The following GALNTL6 variants were observed in gnomAD, a reference collection of about 807,000 sequenced individuals.
GALNTL6 encodes polypeptide N-acetylgalactosaminyltransferase like 6, also known as polypeptide N-acetylgalactosaminyltransferase-like 6.
GALNTL6 carries 46 observed loss-of-function variants against 73.7 expected under a neutral mutation model. That is an observed-to-expected ratio of 0.62 (90% CI 0.49 to 0.80). GALNTL6 has a LOEUF of 0.80. GALNTL6 is among the 30% of genes least tolerant of loss of function. The pLI is 0.00. For synonymous variants in GALNTL6, 259 were observed against 263.7 expected (o/e 0.98, Z 0.17); for missense variants, 604 against 755.0 (o/e 0.80, Z 2.34).
At chr4:172,890,994 A>C (rs2111212596) in intron 8 of GALNTL6, among the ~76,000 whole-genome samples, 1 of 152,232 alleles carries the variant, frequency 6.6e-6, no homozygotes, top group Non-Finnish European at 1.5e-5. Flanking sequence ...TTTTATCTGA[A>C]GAATAGTGAC....
At chr4:172,820,800 T>A (rs1437926877) in intron 7 of GALNTL6, among the ~76,000 whole-genome samples, 1 of 152,178 alleles carries the variant, frequency 6.6e-6, no homozygotes, top group African/African-American at 2.4e-5. Context: ...AAAATCAAAT[T>A]GATGCATAAA....
At chr4:172,173,468 G>A (rs562905555) in intron 2 of GALNTL6, among the ~76,000 whole-genome samples, 176 of 152,328 alleles carry the variant, frequency 1.2e-3, no homozygotes, top group Middle Eastern at 3.4e-3. Flanking sequence ...TGCACAGGGT[G>A]CATTTCTGCA....
At chr4:171,895,493 A>T (rs1179512031) in intron 2 of GALNTL6, among the ~76,000 whole-genome samples, 1 of 152,214 alleles carries the variant, frequency 6.6e-6, no homozygotes, top group Non-Finnish European at 1.5e-5. Context: ...AAGCAGAGTC[A>T]GAGCAGTTTA....
chr4:172,381,921 C>T (rs1383093540), intron 5 of GALNTL6, among the ~76,000 whole-genome samples: 1 of 152,172 alleles, frequency 6.6e-6, no homozygotes, highest in African/African-American at 2.4e-5. Flanking sequence ...CATTTTAAAA[C>T]CAGAAATTTA....
chr4:172,446,850 G>A lies in GALNTL6; in HGVS notation c.553+98161G>A, dbSNP rs1052316806. On this transcript the variant is annotated intron_variant, in intron 5 of 12. Coordinates refer to ENST00000506823, the MANE Select transcript of GALNTL6 (RefSeq NM_001034845.3). ...ACTTTTTGAAGATGTCTATTGTTTT[G>A]CAACTGTGGATGATATACTCTGTGC... Among the ~76,000 whole-genome samples, 12 of 152,250 alleles carry A rather than the reference G, an allele frequency of 7.9e-5. No homozygotes were observed. The South Asian group carries it at 1.7e-3, about 21-fold the overall frequency.
At chr4:172,905,053 CGAT>C (rs1246941573) in intron 8 of GALNTL6, among the ~76,000 whole-genome samples, 6 of 151,958 alleles carry the variant, frequency 3.9e-5, no homozygotes, top group African/African-American at 1.2e-4. Context: ...CTTTCTATGG[CGAT>C]GATAACTATA....
chr4:172,824,004 A>G (rs1742086357), intron 7 of GALNTL6, among the ~76,000 whole-genome samples: 1 of 152,088 alleles, frequency 6.6e-6, no homozygotes, highest in South Asian at 2.1e-4. Context: ...AGAGTTCACC[A>G]AAAATCCATG....
chr4:172,829,476 A>G (rs1560980211), intron 7 of GALNTL6, among the ~76,000 whole-genome samples: 1 of 152,226 alleles, frequency 6.6e-6, no homozygotes, highest in Admixed American at 6.5e-5. Context: ...AATATTTACT[A>G]GAAAGTAAAT....
chr4:172,000,902 C>T (rs1311817912), intron 2 of GALNTL6, among the ~76,000 whole-genome samples: 2 of 152,126 alleles, frequency 1.3e-5, no homozygotes, highest in Non-Finnish European at 2.9e-5. Context: ...AAGTAGCACA[C>T]ATCACCACAG....
chr4:172,968,758 G>A (rs1000898950), intron 10 of GALNTL6, among the ~76,000 whole-genome samples: 5 of 151,684 alleles, frequency 3.3e-5, no homozygotes, highest in Admixed American at 2.0e-4. Flanking sequence ...CTAAGAGACA[G>A]AGAAGTGCCC....
chr4:172,436,343 A>G (rs1248239538), intron 5 of GALNTL6, among the ~76,000 whole-genome samples: 1 of 152,056 alleles, frequency 6.6e-6, no homozygotes, highest in Non-Finnish European at 1.5e-5. Context: ...AGAGATTTTT[A>G]AAACCATTCA....
chr4:172,023,660 C>G (rs1741469022), intron 2 of GALNTL6, among the ~76,000 whole-genome samples: 1 of 151,802 alleles, frequency 6.6e-6, no homozygotes, highest in African/African-American at 2.4e-5. Flanking sequence ...GTATTTTTGG[C>G]AGGTAGAACC....
intron 2 of GALNTL6, among the ~76,000 whole-genome samples, chr4:171,873,738 G>A (rs1005976307): frequency 6.6e-6 from 1 of 151,952 alleles, no homozygotes; most frequent in African/African-American, 2.4e-5. Context: ...AACTTGTATT[G>A]TATCTGATGT....
chr4:172,463,284 G>A (rs576297625), intron 5 of GALNTL6, among the ~76,000 whole-genome samples: 5 of 151,478 alleles, frequency 3.3e-5, no homozygotes, highest in Admixed American at 6.6e-5. Flanking sequence ...CTCCCTCATA[G>A]GGAGCATAGG....
At chr4:172,384,750 G>T (rs773720087) in intron 5 of GALNTL6, among the ~76,000 whole-genome samples, 1 of 151,794 alleles carries the variant, frequency 6.6e-6, no homozygotes, top group Non-Finnish European at 1.5e-5. Flanking sequence ...TCCCTTTAAA[G>T]AATGCTTTAG....
intron 10 of GALNTL6, among the ~76,000 whole-genome samples, chr4:172,972,100 A>G (rs868601143): frequency 1.3e-5 from 2 of 152,210 alleles, no homozygotes; most frequent in South Asian, 2.1e-4. Context: ...AGACTGAGAA[A>G]GACATTATAA....
chr4:172,214,098 C>G (rs78271757), intron 2 of GALNTL6, among the ~76,000 whole-genome samples: 1 of 152,224 alleles, frequency 6.6e-6, no homozygotes, highest in Non-Finnish European at 1.5e-5. Context: ...TGTCAGAGAT[C>G]GGTGGACTAT....
chr4:172,928,128 C>T (rs1053547156), intron 8 of GALNTL6, among the ~76,000 whole-genome samples: 2 of 152,180 alleles, frequency 1.3e-5, no homozygotes, highest in Admixed American at 6.5e-5. Flanking sequence ...AACTGAAATA[C>T]ACCATGCCTA....
chr4:171,967,676 A>C (rs1367666532), intron 2 of GALNTL6, among the ~76,000 whole-genome samples: 1 of 152,182 alleles, frequency 6.6e-6, no homozygotes, highest in African/African-American at 2.4e-5. Context: ...AAAATAACAA[A>C]GGAATGTGAA....
Sources: gnomAD v4.1 joint callset for allele counts (sites outside exome capture counted in the v4.1 genomes callset) on GRCh38, gnomAD v4.1.1 for gene constraint, MANE v1.5 for transcripts, NCBI Gene and HGNC (gene_info 2026-07-23, HGNC 2026-07-21) for gene names.